C1GALT1: variants seen among roughly 807,000 people sequenced by gnomAD.
The protein encoded by C1GALT1 is glycoprotein-N-acetylgalactosamine 3-beta-galactosyltransferase 1.
C1GALT1 carries 11 observed loss-of-function variants against 31.0 expected under a neutral mutation model. The observed-to-expected ratio is 0.36, with a 90% CI of 0.22 to 0.59. The LOEUF is 0.59. C1GALT1 is among the 20% of genes least tolerant of loss of function. The pLI, the probability that C1GALT1 is intolerant of heterozygous loss-of-function variation, is 0.79. For missense variants in C1GALT1, 424 were observed against 425.2 expected, an observed-to-expected ratio of 1.00 and a Z score of 0.03; for synonymous variants, 175 against 143.6, an observed-to-expected ratio of 1.22 and a Z score of -1.56.
chr7:7,223,144 C>G (rs1332047194), intron 1 of C1GALT1, among the ~76,000 whole-genome samples: 2 of 151,928 alleles, frequency 1.3e-5, no homozygotes, highest in African/African-American at 2.4e-5. Flanking sequence ...TGCTTTGTTG[C>G]ATAATTATCA....
intron 1 of C1GALT1, among the ~76,000 whole-genome samples, chr7:7,221,473 T>C (rs1320595294): frequency 6.9e-6 from 1 of 145,852 alleles, no homozygotes; most frequent in African/African-American, 2.5e-5. Context: ...CATTTAAATG[T>C]GACTGTTTGT....
At chr7:7,224,305 CAG>C (rs1421065266) in intron 1 of C1GALT1, among the ~76,000 whole-genome samples, 1 of 149,686 alleles carries the variant, frequency 6.7e-6, no homozygotes, top group Non-Finnish European at 1.5e-5. Context: ...ATTTTGGTAT[CAG>C]GGTAATATGA....
At chr7:7,174,933 G>A (rs1245621190) in intron 2 of C1GALT1, among the ~76,000 whole-genome samples, 3 of 151,828 alleles carry the variant, frequency 2.0e-5, no homozygotes, top group Non-Finnish European at 4.4e-5. Flanking sequence ...TAAAGTTTTT[G>A]TTTAGTAATT....
chr7:7,228,915 A>G (rs567190060), intron 1 of C1GALT1, among the ~76,000 whole-genome samples: 18 of 152,254 alleles, frequency 1.2e-4, no homozygotes, highest in African/African-American at 4.1e-4. Flanking sequence ...AGCTTTCCAC[A>G]AACAGTAACT....
chr7:7,207,655 T>C (rs916935809), intron 1 of C1GALT1, among the ~76,000 whole-genome samples: 3 of 152,092 alleles, frequency 2.0e-5, no homozygotes, highest in African/African-American at 7.2e-5. Context: ...TTCTTTCTTT[T>C]AGTGGGCCAT....
upstream of C1GALT1, chr7:7,178,008 C>T: frequency 4.5e-6 from 1 of 222,612 alleles, no homozygotes; most frequent in Non-Finnish European, 9.6e-6. Flanking sequence ...CTGGATTGGG[C>T]TTACCAAAGT....
At chr7:7,208,670 AG>A (rs1361291720) in intron 1 of C1GALT1, among the ~76,000 whole-genome samples, 2 of 152,228 alleles carry the variant, frequency 1.3e-5, no homozygotes, top group African/African-American at 4.8e-5. Flanking sequence ...AATGGCTGCC[AG>A]CCCCTGCACC....
chr7:7,183,533 C>G, intron 1 of C1GALT1: 1 of 982,164 alleles, frequency 1.0e-6, no homozygotes, highest in Non-Finnish European at 1.2e-6. Context: ...CCCCATTTTT[C>G]CCCAACAAAT....
At chr7:7,159,558 A>G (rs749851601) in intron 2 of C1GALT1, among the ~76,000 whole-genome samples, 23 of 152,220 alleles carry the variant, frequency 1.5e-4, no homozygotes, top group South Asian at 6.2e-4. Context: ...CCCTTTCCCC[A>G]ATAATCTCTT....
intron 1 of C1GALT1, among the ~76,000 whole-genome samples, chr7:7,189,109 C>T (rs1457449567): frequency 1.3e-5 from 2 of 152,126 alleles, no homozygotes; most frequent in East Asian, 3.8e-4. Context: ...TTGTCAAAAG[C>T]ACAAAGATTT....
At chr7:7,210,745 G>A (rs1022281452) in intron 1 of C1GALT1, among the ~76,000 whole-genome samples, 16 of 152,128 alleles carry the variant, frequency 1.1e-4, no homozygotes, top group African/African-American at 3.9e-4. Flanking sequence ...CGGGATTCCA[G>A]GAACATGTAG....
intron 1 of C1GALT1, among the ~76,000 whole-genome samples, chr7:7,206,865 G>C (rs1288795987): frequency 1.3e-5 from 2 of 152,006 alleles, no homozygotes; most frequent in Non-Finnish European, 2.9e-5. Flanking sequence ...TGTGTGATTA[G>C]TTACTTCTTT....
intron 2 of C1GALT1, among the ~76,000 whole-genome samples, chr7:7,237,557 A>G (rs1783421992): frequency 6.6e-6 from 1 of 152,228 alleles, no homozygotes; most frequent in African/African-American, 2.4e-5. Flanking sequence ...GCACTGCTCT[A>G]GACCATCTTG....
Position 7,225,238 on chromosome 7 carries a change from A to G in C1GALT1, c.-17-9065A>G, listed in dbSNP as rs531095590. Among the ~76,000 whole-genome samples the G allele has an allele frequency of 1.7e-4, 26 of 152,294 alleles. No homozygotes were observed. The South Asian group carries it at 4.1e-3, about 24-fold the overall frequency. On this transcript the variant is annotated intron_variant, in intron 1 of 3. Coordinates refer to ENST00000436587, the MANE Select transcript of C1GALT1 (RefSeq NM_020156.5). ...TTTTTTAATGTAAACAGTTAGTGCT[A>G]TAAGTTTTCCTCTTAGCACTGCTTT...
upstream of C1GALT1, among the ~76,000 whole-genome samples, chr7:7,179,230 C>CTGAGGGG (rs1244251564): frequency 5.1e-4 from 77 of 152,332 alleles, no homozygotes; most frequent in Non-Finnish European, 9.6e-4. Flanking sequence ...AGTCTCCCCT[C>CTGAGGGG]AGAAGTCACA....
intron 1 of C1GALT1, chr7:7,209,659 G>C (rs549412487): frequency 6.6e-6 from 1 of 152,218 alleles, no homozygotes; most frequent in Non-Finnish European, 1.5e-5. Flanking sequence ...AAGAATATTG[G>C]ATGTTCCTAG....
At chr7:7,229,594 A>T (rs760832287) in intron 1 of C1GALT1, among the ~76,000 whole-genome samples, 1 of 152,164 alleles carries the variant, frequency 6.6e-6, no homozygotes, top group Non-Finnish European at 1.5e-5. Flanking sequence ...TTTGAATGAA[A>T]TTTCAAACCA....
At chr7:7,196,596 G>A (rs963071454) in intron 1 of C1GALT1, among the ~76,000 whole-genome samples, 3 of 152,170 alleles carry the variant, frequency 2.0e-5, no homozygotes, top group African/African-American at 7.2e-5. Context: ...GGATGGCTGG[G>A]ACAAATGGTA....
At chr7:7,198,917 T>G in intron 1 of C1GALT1, among the ~76,000 whole-genome samples, 1 of 152,240 alleles carries the variant, frequency 6.6e-6, no homozygotes, top group Non-Finnish European at 1.5e-5. Flanking sequence ...TATTTGATTC[T>G]TCTCTCTTTT....
Sources: gnomAD v4.1 joint callset for allele counts (sites outside exome capture counted in the v4.1 genomes callset) on GRCh38, gnomAD v4.1.1 for gene constraint, MANE v1.5 for transcripts, NCBI Gene and HGNC (gene_info 2026-07-23, HGNC 2026-07-21) for gene names.